Variants in EXOC4 observed in about 807,000 individuals in gnomAD.
EXOC4 encodes the protein SEC8-like 1.
EXOC4 carries 71 observed loss-of-function variants against 107.2 expected under a neutral mutation model. The ratio of observed to expected loss-of-function variants is 0.66; its 90% CI spans 0.55 to 0.81. The LOEUF is 0.81. Among genes scored for constraint, EXOC4 ranks in the 30% least tolerant of loss-of-function variants. The pLI is 0.00. For missense variants in EXOC4, 1,108 were observed against 1,189.6 expected (o/e 0.93, Z 1.01); for synonymous variants, 456 against 441.2 (o/e 1.03, Z -0.42).
At chr7:133,492,231 A>G (rs1454274842) in intron 9 of EXOC4, among the ~76,000 whole-genome samples, 1 of 152,144 alleles carries the variant, frequency 6.6e-6, no homozygotes, top group Non-Finnish European at 1.5e-5. Context: ...GTGAGGTGGG[A>G]AGTGACCCAG....
chr7:133,790,837 A>T (rs560335276), intron 10 of EXOC4, among the ~76,000 whole-genome samples: 1 of 152,242 alleles, frequency 6.6e-6, no homozygotes, highest in Admixed American at 6.5e-5. Flanking sequence ...ATTCTCAGGC[A>T]TGTGGTCCCA....
At chr7:133,800,731 A>G (rs886231936) in intron 10 of EXOC4, among the ~76,000 whole-genome samples, 12 of 152,226 alleles carry the variant, frequency 7.9e-5, no homozygotes, top group Non-Finnish European at 1.8e-4. Context: ...AGATGACCCA[A>G]GTAACAGACA....
chr7:133,969,159 G>A (rs897361551), intron 14 of EXOC4, among the ~76,000 whole-genome samples: 11 of 152,014 alleles, frequency 7.2e-5, no homozygotes, highest in African/African-American at 1.9e-4. Context: ...TATTATTCAC[G>A]AAGCTGTCAT....
chr7:133,847,667 G>A (rs1798158317), intron 11 of EXOC4, among the ~76,000 whole-genome samples: 1 of 150,586 alleles, frequency 6.6e-6, no homozygotes, highest in African/African-American at 2.4e-5. Context: ...TTACAGGTGT[G>A]AGTCACTGTG....
chr7:133,395,848 G>T (rs1309054174), intron 7 of EXOC4, among the ~76,000 whole-genome samples: 1 of 151,734 alleles, frequency 6.6e-6, no homozygotes, highest in Non-Finnish European at 1.5e-5. Flanking sequence ...TTCTCTTTAG[G>T]GATTGTTTAG....
intron 10 of EXOC4, among the ~76,000 whole-genome samples, chr7:133,811,950 T>C (rs1218941169): frequency 6.6e-6 from 1 of 152,224 alleles, no homozygotes; most frequent in Non-Finnish European, 1.5e-5. Context: ...ACAAGTCTAC[T>C]GTGTGCCAGT....
Position 133,928,897 on chromosome 7 carries a change from T to G in EXOC4, c.2028-8994T>G, listed in dbSNP as rs184849523. 2.0e-5 allele frequency among the ~76,000 whole-genome samples: 3 copies of G among 148,226 alleles called. No homozygotes were observed. The East Asian group carries it at 6.0e-4, about 30-fold the overall frequency. On this transcript the variant is annotated intron_variant, in intron 13 of 17. Coordinates refer to ENST00000253861, the MANE Select transcript of EXOC4 (RefSeq NM_021807.4). ...CTTTAGAGAGATGGTGAAAAACTAC[T>G]GGAAGAATTTAGAAACAGTAGTACC... is the stretch of plus-strand genomic sequence containing the variant.
chr7:133,626,708 C>A (rs1227248423), intron 9 of EXOC4, among the ~76,000 whole-genome samples: 1 of 152,082 alleles, frequency 6.6e-6, no homozygotes, highest in African/African-American at 2.4e-5. Flanking sequence ...AATCTCATAC[C>A]CTGTCAATGT....
intron 10 of EXOC4, among the ~76,000 whole-genome samples, chr7:133,643,356 C>A (rs1802907911): frequency 6.6e-6 from 1 of 152,160 alleles, no homozygotes; most frequent in Admixed American, 6.5e-5. Flanking sequence ...ATTCTAGCCG[C>A]ACTAGCAGCT....
chr7:133,731,150 T>A (rs1432836883), intron 10 of EXOC4, among the ~76,000 whole-genome samples: 1 of 152,226 alleles, frequency 6.6e-6, no homozygotes, highest in Admixed American at 6.5e-5. Flanking sequence ...TGGTTGTTAA[T>A]GTTTTATTCC....
At chr7:133,906,490 G>A (rs1351636919) in intron 12 of EXOC4, among the ~76,000 whole-genome samples, 1 of 152,202 alleles carries the variant, frequency 6.6e-6, no homozygotes, top group African/African-American at 2.4e-5. Context: ...TAAAGAAATA[G>A]CCAATCATCT....
chr7:133,960,261 A>G (rs1409803516), intron 14 of EXOC4, among the ~76,000 whole-genome samples: 1 of 152,256 alleles, frequency 6.6e-6, no homozygotes, highest in Non-Finnish European at 1.5e-5. Context: ...TAAAACTGTT[A>G]TAAGGAATTT....
At chr7:133,549,661 A>G (rs553888683) in intron 9 of EXOC4, among the ~76,000 whole-genome samples, 1 of 152,300 alleles carries the variant, frequency 6.6e-6, no homozygotes, top group South Asian at 2.1e-4. Context: ...GGCACCTATA[A>G]ACGTTCTGGG....
chr7:133,682,624 G>C (rs1001873014), intron 10 of EXOC4, among the ~76,000 whole-genome samples: 1 of 152,214 alleles, frequency 6.6e-6, no homozygotes, highest in Non-Finnish European at 1.5e-5. Flanking sequence ...CATTAAGTTT[G>C]TTGGAGTAAC....
intron 9 of EXOC4, among the ~76,000 whole-genome samples, chr7:133,514,196 G>C (rs1234988685): frequency 6.6e-6 from 1 of 150,404 alleles, no homozygotes; most frequent in Non-Finnish European, 1.5e-5. Context: ...CAGGAGTCTC[G>C]CTCTGTCGCC....
intron 7 of EXOC4, among the ~76,000 whole-genome samples, chr7:133,406,063 G>A (rs1375554868): frequency 3.3e-5 from 5 of 152,196 alleles, no homozygotes; most frequent in African/African-American, 9.7e-5. Flanking sequence ...GTTCTTTGCT[G>A]TCTGTAGATA....
intron 9 of EXOC4, among the ~76,000 whole-genome samples, chr7:133,600,670 A>T (rs921480568): frequency 2.0e-5 from 3 of 152,128 alleles, no homozygotes; most frequent in Non-Finnish European, 4.4e-5. Flanking sequence ...AAAGCAAAAT[A>T]AATAAATAAA....
intron 9 of EXOC4, among the ~76,000 whole-genome samples, chr7:133,529,194 C>A (rs1800134770): frequency 6.6e-6 from 1 of 152,112 alleles, no homozygotes; most frequent in African/African-American, 2.4e-5. Context: ...TTTTCTTAAT[C>A]CTTTCTCCTT....
intron 5 of EXOC4, among the ~76,000 whole-genome samples, chr7:133,318,123 A>T (rs1170143538): frequency 6.6e-6 from 1 of 152,188 alleles, no homozygotes; most frequent in Non-Finnish European, 1.5e-5. Context: ...CCTCTGTCCT[A>T]TGCCCTCTCC....
Sources: allele counts gnomAD v4.1 joint callset (sites outside exome capture counted in the v4.1 genomes callset), GRCh38; gene constraint gnomAD v4.1.1; transcripts MANE v1.5; gene names NCBI Gene and HGNC (gene_info 2026-07-23, HGNC 2026-07-21).